Variants in RNGTT observed in about 807,000 individuals in gnomAD.
The protein encoded by RNGTT is RNA guanylyltransferase and 5'-phosphatase.
RNGTT carries 33 observed loss-of-function variants against 79.3 expected under a neutral mutation model. The ratio of observed to expected loss-of-function variants is 0.42; its 90% CI spans 0.32 to 0.56. The LOEUF (loss-of-function observed/expected upper bound fraction) is 0.56. RNGTT is among the 20% of genes least tolerant of loss of function. The pLI, the probability that RNGTT is intolerant of heterozygous loss-of-function variation, is 0.17. For missense variants in RNGTT, 497 were observed against 739.1 expected, an observed-to-expected ratio of 0.67 and a Z score of 3.80; for synonymous variants, 222 against 235.9, an observed-to-expected ratio of 0.94 and a Z score of 0.54.
chr6:88,795,089 T>A (rs1779551795), intron 12 of RNGTT, among the ~76,000 whole-genome samples: 1 of 152,204 alleles, frequency 6.6e-6, no homozygotes. Flanking sequence ...ACCAAGCTGC[T>A]ATAAAAGTGA....
At chr6:88,929,400 C>A in intron 2 of RNGTT, 133 bp from the exon 3 acceptor site, 2 of 569,342 alleles carry the variant, frequency 3.5e-6, no homozygotes, top group Non-Finnish European at 6.2e-6. Flanking sequence ...TGCCCCTGAA[C>A]AATTGATAAT....
Position 88,945,583 on chromosome 6 carries a change from A to G in RNGTT, c.65-4403T>C, listed in dbSNP as rs182315869. 5.9e-5 allele frequency among the ~76,000 whole-genome samples: 9 copies of G among 152,258 alleles called. No individual in the cohort carries two copies. In the East Asian group the frequency reaches 1.5e-3, roughly 26 times the overall value. The stretch of plus-strand genomic sequence containing the variant: ...TAAATGTCAGGTTTCTATGGGTTCC[A>G]CTGTGGACCTTCTCTACTCTCTCTA... On this transcript the variant is annotated intron_variant, in intron 1 of 15. Coordinates refer to ENST00000369485, the MANE Select transcript of RNGTT (RefSeq NM_003800.5).
At chr6:88,750,527 A>G (rs1292229935) in intron 13 of RNGTT, among the ~76,000 whole-genome samples, 8 of 152,150 alleles carry the variant, frequency 5.3e-5, no homozygotes, top group Admixed American at 5.2e-4. Context: ...GACAGTCTCT[A>G]TCTCCTAGCC....
chr6:88,919,733 T>TTTTTTGGG (rs58419557), intron 4 of RNGTT, among the ~76,000 whole-genome samples: 1 of 142,120 alleles, frequency 7.0e-6, no homozygotes, highest in African/African-American at 2.8e-5. Context: ...TTTTTTTTTT[T>TTTTTTGGG]GAGACGGAGT....
chr6:88,647,114 T>C (rs1773595570), intron 14 of RNGTT, among the ~76,000 whole-genome samples: 1 of 152,156 alleles, frequency 6.6e-6, no homozygotes, highest in African/African-American at 2.4e-5. Context: ...GTATTATATA[T>C]TGAACCAGAT....
At chr6:88,627,688 C>T (rs560616697) in intron 14 of RNGTT, among the ~76,000 whole-genome samples, 1 of 152,246 alleles carries the variant, frequency 6.6e-6, no homozygotes, top group South Asian at 2.1e-4. Context: ...TAAACTCTTT[C>T]TCCTTTAAAA....
intron 1 of RNGTT, among the ~76,000 whole-genome samples, chr6:88,958,428 C>CA (rs1206466676): frequency 6.6e-6 from 1 of 152,132 alleles, no homozygotes; most frequent in Non-Finnish European, 1.5e-5. Context: ...GCAGAGTAAA[C>CA]AGACAACCCA....
At position 88,865,378 on chromosome 6, in the gene RNGTT, A is replaced by T. The variant is rs529916104; in HGVS notation, c.897-11614T>A. ...AAACAAAACCCTGAATAAAACAGAAAGGATTAGTTTAAGAACCCTATAAAC... is the reference window on the plus strand; with the variant it reads ...AAACAAAACCCTGAATAAAACAGAATGGATTAGTTTAAGAACCCTATAAAC... On this transcript the variant is annotated intron_variant, in intron 8 of 15. Coordinates refer to ENST00000369485, the MANE Select transcript of RNGTT (RefSeq NM_003800.5). Among the ~76,000 whole-genome samples the T allele has an allele frequency of 3.3e-5, 5 of 152,232 alleles. No homozygotes were observed. The East Asian group carries it at 9.6e-4, about 29-fold the overall frequency.
At chr6:88,932,288 T>C (rs953917722) in intron 2 of RNGTT, among the ~76,000 whole-genome samples, 1 of 152,180 alleles carries the variant, frequency 6.6e-6, no homozygotes, top group Non-Finnish European at 1.5e-5. Context: ...ACCGGTTCTC[T>C]GCTCTTGAAC....
chr6:88,629,022 C>T (rs1772742524), intron 14 of RNGTT, among the ~76,000 whole-genome samples: 1 of 151,912 alleles, frequency 6.6e-6, no homozygotes, highest in Non-Finnish European at 1.5e-5. Flanking sequence ...GAAAAAAAAT[C>T]CCAAAACCAT....
intron 8 of RNGTT, among the ~76,000 whole-genome samples, chr6:88,882,373 A>C (rs1158694727): frequency 6.6e-6 from 1 of 152,172 alleles, no homozygotes. Flanking sequence ...GTTATCTGCA[A>C]GTTCTATGAG....
Position 88,666,061 on chromosome 6 carries a change from T to C in RNGTT, c.1506+12292A>G, listed in dbSNP as rs548122568. Among the ~76,000 whole-genome samples the C allele has an allele frequency of 2.0e-5, 3 of 152,168 alleles. No homozygotes were observed. In the South Asian group the frequency reaches 6.2e-4, roughly 32 times the overall value. On this transcript the variant is annotated intron_variant, in intron 14 of 15. Transcript: ENST00000369485. ...GAGAGAATTATTAGGAGCTGTGGGGTTCTGCAGGTTATGGATCCCAAATTT... is the reference window on the plus strand; with the variant it reads ...GAGAGAATTATTAGGAGCTGTGGGGCTCTGCAGGTTATGGATCCCAAATTT...
In RNGTT at chr6:88,892,008, TTTG is replaced by T. The variant is rs1226177324; in HGVS notation, c.685-96_685-94del. Reference sequence around the variant, plus strand: ...AAGAAGAGACTGAGAGATAAATTAGTTTGTTCTCACAAATCTTAGCAAGTCAAT... The same window carrying T: ...AAGAAGAGACTGAGAGATAAATTAGTTTCTCACAAATCTTAGCAAGTCAAT... On this transcript the variant is annotated intron_variant, in intron 6 of 15. Coordinates refer to ENST00000369485, the MANE Select transcript of RNGTT (RefSeq NM_003800.5). 3.5e-6 allele frequency: 3 copies of T among 864,514 alleles called. No homozygotes were observed. In the African/African-American group the frequency reaches 5.3e-5, roughly 15 times the overall value. The allele number at this position is 864,514 out of a possible 1,614,324, so 53.6% of individuals were successfully genotyped here.
intron 13 of RNGTT, among the ~76,000 whole-genome samples, chr6:88,703,890 C>T (rs928020185): frequency 1.3e-5 from 2 of 152,042 alleles, no homozygotes; most frequent in African/African-American, 4.8e-5. Context: ...AAGCTTTGGC[C>T]TCTTTCTAAT....
intron 13 of RNGTT, among the ~76,000 whole-genome samples, chr6:88,738,839 TACACACACACAC>T (rs200498670): frequency 2.1e-5 from 3 of 142,526 alleles, no homozygotes; most frequent in African/African-American, 5.1e-5. Flanking sequence ...ATAAATAAAA[TACACACACACAC>T]ACACACACAC....
chr6:88,760,244 C>T lies in RNGTT; in HGVS notation c.1439+9530G>A, dbSNP rs148278167. Among the ~76,000 whole-genome samples, 235 of 152,142 alleles carry T rather than the reference C, an allele frequency of 1.5e-3. 2 individuals carry two copies. Among genetic ancestry groups the T allele is most frequent in the African/African-American group, 5.3e-3 (221 of 41,516 alleles). On this transcript the variant is annotated intron_variant, in intron 13 of 15. Transcript: ENST00000369485. ...GATTATGATGTTGGTTTTTGGTAAG[C>T]GGCCTGGGAAAGATTTTCTGCTGAA...
At chr6:88,786,097 CA>C in intron 12 of RNGTT, among the ~76,000 whole-genome samples, 1 of 152,070 alleles carries the variant, frequency 6.6e-6, no homozygotes, top group East Asian at 1.9e-4. Context: ...AAATATAAAA[CA>C]AAAATATTTT....
At chr6:88,725,096 G>A (rs1456155603) in intron 13 of RNGTT, among the ~76,000 whole-genome samples, 1 of 152,188 alleles carries the variant, frequency 6.6e-6, no homozygotes, top group Non-Finnish European at 1.5e-5. Flanking sequence ...TATTTCTTTT[G>A]TGGCACCAAA....
At chr6:88,643,234 G>A (rs150664142) in intron 14 of RNGTT, among the ~76,000 whole-genome samples, 80 of 152,088 alleles carry the variant, frequency 5.3e-4, no homozygotes, top group Middle Eastern at 6.8e-3. Context: ...ACACACAAAA[G>A]AGAGCATAAA....
Sources: allele counts gnomAD v4.1 joint callset (sites outside exome capture counted in the v4.1 genomes callset), GRCh38; gene constraint gnomAD v4.1.1; transcripts MANE v1.5; gene names NCBI Gene and HGNC (gene_info 2026-07-23, HGNC 2026-07-21).